The following TGM3 variants were observed in gnomAD, a reference collection of about 807,000 sequenced individuals.
TGM3 encodes protein-glutamine gamma-glutamyltransferase E.
A neutral mutation model predicts 73.8 loss-of-function variants in TGM3; 52 were observed. That is an observed-to-expected ratio of 0.70 (90% CI 0.56 to 0.89). TGM3 has a LOEUF of 0.89. Among genes scored for constraint, TGM3 ranks in the 40% least tolerant of loss-of-function variants. The probability of loss-of-function intolerance (pLI) is 0.00; values close to 1 mark genes in which losing one functional copy is unlikely to be tolerated. For synonymous variants in TGM3, 372 were observed against 354.9 expected (o/e 1.05, Z -0.54); for missense variants, 928 against 909.9 (o/e 1.02, Z -0.26).
At chr20:2,340,236 A>ACC (rs544498584) in intron 12 of TGM3, among the ~76,000 whole-genome samples, 198 bp from the exon 13 acceptor site, 4 of 149,756 alleles carry the variant, frequency 2.7e-5, no homozygotes, top group Non-Finnish European at 5.9e-5. Flanking sequence ...AGATCATGGG[A>ACC]CCCCCCCCTC....
At chr20:2,317,896 A>G (rs2084243044) in intron 7 of TGM3, among the ~76,000 whole-genome samples, 1 of 150,276 alleles carries the variant, frequency 6.7e-6, no homozygotes, top group African/African-American at 2.5e-5. Context: ...TAAAGAGAAT[A>G]AGAAAAGCAA....
chr20:2,303,678 A>G (rs1445401208), intron 1 of TGM3, among the ~76,000 whole-genome samples: 1 of 152,166 alleles, frequency 6.6e-6, no homozygotes, highest in African/African-American at 2.4e-5. Flanking sequence ...CTGGGAAAGT[A>G]GTGCCTGCAC....
chr20:2,339,040 A>G (rs1167107328), intron 11 of TGM3, among the ~76,000 whole-genome samples: 2 of 152,260 alleles, frequency 1.3e-5, no homozygotes, highest in Non-Finnish European at 2.9e-5. Context: ...CTGAGCAAGG[A>G]CCGTGTGGTA....
At chr20:2,318,246 T>C (rs560008373) in intron 7 of TGM3, among the ~76,000 whole-genome samples, 13 of 152,272 alleles carry the variant, frequency 8.5e-5, no homozygotes, top group Admixed American at 3.9e-4. Context: ...CTTGAACTCC[T>C]GACCTCAGGC....
At chr20:2,303,617 C>G (rs749067682) in intron 1 of TGM3, among the ~76,000 whole-genome samples, 1 of 151,990 alleles carries the variant, frequency 6.6e-6, no homozygotes, top group Non-Finnish European at 1.5e-5. Context: ...TAACTTCTGC[C>G]AAAAGCTTTT....
At chr20:2,311,245 T>G in intron 4 of TGM3, 116 bp downstream of exon 4, 2 of 807,348 alleles carry the variant, frequency 2.5e-6, no homozygotes, top group Non-Finnish European at 4.2e-6. Context: ...CCCTTCTATT[T>G]GTTCATGTAT....
At chr20:2,338,679 G>T (rs2084363882) in intron 11 of TGM3, among the ~76,000 whole-genome samples, 1 of 152,168 alleles carries the variant, frequency 6.6e-6, no homozygotes, top group African/African-American at 2.4e-5. Flanking sequence ...ACTGTAAAAT[G>T]GTTGCTCTGA....
intron 7 of TGM3, among the ~76,000 whole-genome samples, chr20:2,323,931 C>A (rs1334594099): frequency 6.6e-6 from 1 of 152,062 alleles, no homozygotes; most frequent in South Asian, 2.1e-4. Context: ...CTTATTTTTT[C>A]ATCACTTAGT....
chr20:2,335,863 C>T (rs188689030), intron 11 of TGM3, among the ~76,000 whole-genome samples: 204 of 152,350 alleles, frequency 1.3e-3, no homozygotes, highest in Middle Eastern at 6.8e-3. Flanking sequence ...CCTGTACTCT[C>T]ATTTCACACA....
chr20:2,319,869 G>A (rs866622069), intron 7 of TGM3, among the ~76,000 whole-genome samples: 7 of 152,242 alleles, frequency 4.6e-5, no homozygotes, highest in Admixed American at 6.5e-5. Context: ...TGAGGCTTGC[G>A]CAAGGCAATT....
intron 1 of TGM3, among the ~76,000 whole-genome samples, chr20:2,300,847 A>G (rs1022412484): frequency 1.3e-5 from 2 of 152,164 alleles, no homozygotes; most frequent in African/African-American, 4.8e-5. Context: ...TTGCCATTAC[A>G]TATGGGATCC....
intron 1 of TGM3, among the ~76,000 whole-genome samples, chr20:2,306,996 A>G (rs2084179560): frequency 6.6e-6 from 1 of 152,118 alleles, no homozygotes; most frequent in Non-Finnish European, 1.5e-5. Flanking sequence ...CAGGTACAGA[A>G]TGCTCATTTT....
At chr20:2,298,957 T>A (rs1322699409) in intron 1 of TGM3, among the ~76,000 whole-genome samples, 1 of 152,050 alleles carries the variant, frequency 6.6e-6, no homozygotes, top group East Asian at 1.9e-4. Flanking sequence ...TACTCCCTGT[T>A]CCTTAGAGAC....
rs368081322 is a variant in TGM3 at position 2,340,033 on chromosome 20, CG to C, written c.1934+53del. 1.8e-3 allele frequency: 355 copies of C among 198,268 alleles called. 1 individual carries two copies. Among genetic ancestry groups the C allele is most frequent in the African/African-American group, 0.017 (298 of 17,530 alleles). The allele number at this position is 198,268 out of a possible 1,614,324, so 12.3% of individuals were successfully genotyped here. A position where few individuals can be genotyped will look rare whatever the true frequency, so the allele number is the denominator to read the frequency against. On this transcript the variant is annotated intron_variant, in intron 12 of 12. Coordinates refer to ENST00000381458, the MANE Select transcript of TGM3 (RefSeq NM_003245.4). Reference sequence around the variant, plus strand: ...GCCGGTGCAGGAGGGCGGGAGGGGGCGGGGGGGCCCTCCAGATCCCCTGGGT... The same window carrying C: ...GCCGGTGCAGGAGGGCGGGAGGGGGCGGGGGGCCCTCCAGATCCCCTGGGT...
chr20:2,308,086 G>A (rs541214730), intron 1 of TGM3, among the ~76,000 whole-genome samples: 64 of 152,236 alleles, frequency 4.2e-4, no homozygotes, highest in African/African-American at 1.5e-3. Flanking sequence ...GCTGGGAGTG[G>A]TGGCTCAGGC....
At chr20:2,313,874 A>C (rs960946419) in intron 5 of TGM3, among the ~76,000 whole-genome samples, 2 of 151,816 alleles carry the variant, frequency 1.3e-5, no homozygotes, top group African/African-American at 4.8e-5. Flanking sequence ...ACAGAAATTA[A>C]AAAAAAACTA....
chr20:2,310,406 C>G lies in TGM3; in HGVS notation c.410C>G (p.Pro137Arg). ...GGGACGTTCATACTGCTTTTTAACC[C>G]CTGGCTGAATGGTAGGTGTCTAGCC... Reference protein sequence around the residue: ...KLGTFILLFNPWLNVDSVFMG... With the variant: ...KLGTFILLFNRWLNVDSVFMG... Residue 137 changes from proline (P) to arginine (R), a missense_variant, in exon 3 of 13, where the codon CCC (proline) becomes CGC (arginine). Pro to Arg is a moderately radical substitution (Grantham distance 103). Coordinates refer to ENST00000381458, the MANE Select transcript of TGM3 (RefSeq NM_003245.4). 1.9e-6 allele frequency: 3 copies of G among 1,614,180 alleles called. No homozygotes were observed. The highest frequency in any genetic ancestry group is 2.5e-6 in the Non-Finnish European group (3 of 1,180,022).
intron 5 of TGM3, among the ~76,000 whole-genome samples, chr20:2,316,350 G>T (rs1258947362): frequency 1.3e-5 from 2 of 152,114 alleles, no homozygotes; most frequent in South Asian, 2.1e-4. Flanking sequence ...GAGCTGATGT[G>T]GGCAGATCAC....
chr20:2,332,395 A>G lies in TGM3; in HGVS notation c.1642+85A>G, dbSNP rs1037734980. Reference sequence around the variant, plus strand: ...GGCTGCAGGGTGTCTGCTGGGCTCCAGGTTAGTCAGCTACGAATGGAGCAG... The same window carrying G: ...GGCTGCAGGGTGTCTGCTGGGCTCCGGGTTAGTCAGCTACGAATGGAGCAG... On this transcript the variant is annotated intron_variant, in intron 10 of 12. Coordinates refer to ENST00000381458, the MANE Select transcript of TGM3 (RefSeq NM_003245.4). This position sits in a 1 kb window ranked among gnomAD's most constrained non-coding sequence, Gnocchi z 4.4. 2.0e-5 allele frequency: 27 copies of G among 1,342,576 alleles called. No individual in the cohort carries two copies. The highest frequency in any genetic ancestry group is 2.5e-5 in the Non-Finnish European group (25 of 1,005,666). The allele number at this position is 1,342,576 out of a possible 1,614,324, so 83.2% of individuals were successfully genotyped here.
Sources: gnomAD v4.1 joint callset for allele counts (sites outside exome capture counted in the v4.1 genomes callset) on GRCh38, gnomAD v4.1.1 for gene constraint, Gnocchi (gnomAD v3.1) non-coding constraint, MANE v1.5 for transcripts, NCBI Gene and HGNC (gene_info 2026-07-23, HGNC 2026-07-21) for gene names.